The following GRM8 variants were observed in gnomAD, a reference collection of about 807,000 sequenced individuals.
The protein encoded by GRM8 is glutamate metabotropic receptor 8.
A neutral mutation model predicts 87.2 loss-of-function variants in GRM8; 47 were observed. The observed-to-expected ratio is 0.54, with a 90% CI of 0.43 to 0.69. The LOEUF (loss-of-function observed/expected upper bound fraction) is 0.69, where lower values mean the gene tolerates loss of function less well. Among genes scored for constraint, GRM8 ranks in the 30% least tolerant of loss-of-function variants. The pLI is 0.00. For synonymous variants in GRM8, 396 were observed against 404.5 expected (o/e 0.98, Z 0.25); for missense variants, 1,019 against 1,139.2 (o/e 0.89, Z 1.52).
intron 2 of GRM8, among the ~76,000 whole-genome samples, chr7:127,117,627 T>C (rs1826777457): frequency 6.6e-6 from 1 of 152,202 alleles, no homozygotes; most frequent in African/African-American, 2.4e-5. Context: ...TTACATTGTG[T>C]TATAATAGAA....
chr7:126,917,306 A>T (rs1804010228), intron 3 of GRM8, among the ~76,000 whole-genome samples: 1 of 152,044 alleles, frequency 6.6e-6, no homozygotes, highest in Non-Finnish European at 1.5e-5. Flanking sequence ...GTCAAAATAC[A>T]TTTTGGACTA....
At chr7:126,749,018 A>G (rs1816065045) in intron 7 of GRM8, among the ~76,000 whole-genome samples, 1 of 152,204 alleles carries the variant, frequency 6.6e-6, no homozygotes, top group African/African-American at 2.4e-5. Context: ...TCACACCTGT[A>G]ATCCCAGTAC....
intron 6 of GRM8, among the ~76,000 whole-genome samples, chr7:126,788,159 C>T (rs1257157614): frequency 6.6e-6 from 1 of 151,810 alleles, no homozygotes; most frequent in Non-Finnish European, 1.5e-5. Context: ...CTTGTAATCC[C>T]AGCACTTTGG....
chr7:127,206,719 C>T (rs905225023), intron 2 of GRM8, among the ~76,000 whole-genome samples: 1 of 152,194 alleles, frequency 6.6e-6, no homozygotes, highest in Non-Finnish European at 1.5e-5. Flanking sequence ...AAGCAAGCAC[C>T]TCCAGTGTTC....
chr7:126,550,820 C>T (rs532639352), intron 8 of GRM8, among the ~76,000 whole-genome samples: 1 of 151,436 alleles, frequency 6.6e-6, no homozygotes, highest in Non-Finnish European at 1.5e-5. Context: ...TAATAAAAGA[C>T]TTAGAAACAG....
chr7:127,011,901 T>C, intron 3 of GRM8, among the ~76,000 whole-genome samples: 1 of 152,168 alleles, frequency 6.6e-6, no homozygotes, highest in East Asian at 1.9e-4. Flanking sequence ...TTTGAATTAC[T>C]TTGTACCTTC....
chr7:126,871,961 G>A (rs900102949), intron 6 of GRM8, among the ~76,000 whole-genome samples: 7 of 152,092 alleles, frequency 4.6e-5, no homozygotes, highest in African/African-American at 9.7e-5. Context: ...GATGTCTTAC[G>A]TTTGCCGGTT....
At chr7:126,873,218 T>C (rs1020032540) in intron 6 of GRM8, among the ~76,000 whole-genome samples, 5 of 152,160 alleles carry the variant, frequency 3.3e-5, no homozygotes, top group African/African-American at 7.2e-5. Flanking sequence ...TCTGATGAAA[T>C]TGACAGGTCA....
At chr7:126,668,589 G>A (rs1449435339) in intron 7 of GRM8, among the ~76,000 whole-genome samples, 2 of 152,234 alleles carry the variant, frequency 1.3e-5, no homozygotes, top group African/African-American at 4.8e-5. Context: ...TGGCTGGTTC[G>A]CAGCCAGGCA....
chr7:127,139,511 G>A (rs1347930831), intron 2 of GRM8, among the ~76,000 whole-genome samples: 1 of 152,016 alleles, frequency 6.6e-6, no homozygotes, highest in East Asian at 1.9e-4. Context: ...AAAAGTAACT[G>A]GCATATATTC....
chr7:126,589,163 G>A (rs1796438997), intron 8 of GRM8, among the ~76,000 whole-genome samples: 1 of 152,172 alleles, frequency 6.6e-6, no homozygotes, highest in African/African-American at 2.4e-5. Flanking sequence ...GACACAGGCA[G>A]GCAAGGAGGT....
chr7:126,632,656 G>C (rs1186051227), intron 7 of GRM8, among the ~76,000 whole-genome samples: 3 of 152,110 alleles, frequency 2.0e-5, no homozygotes, highest in African/African-American at 7.2e-5. Context: ...TAAGAGACTG[G>C]ATAAAGAAAA....
intron 7 of GRM8, among the ~76,000 whole-genome samples, chr7:126,644,092 C>T (rs896542920): frequency 6.6e-6 from 1 of 152,190 alleles, no homozygotes; most frequent in Non-Finnish European, 1.5e-5. Flanking sequence ...GATGGTGAAT[C>T]TTACATTAGA....
chr7:126,847,991 C>G (rs1796862275), intron 6 of GRM8, among the ~76,000 whole-genome samples: 1 of 152,220 alleles, frequency 6.6e-6, no homozygotes, highest in East Asian at 1.9e-4. Flanking sequence ...GAGGAGATTA[C>G]AAATGGAGAG....
chr7:126,615,642 G>C (rs1174257153), intron 7 of GRM8, among the ~76,000 whole-genome samples: 1 of 152,118 alleles, frequency 6.6e-6, no homozygotes, highest in Non-Finnish European at 1.5e-5. Flanking sequence ...CTCACGTGCA[G>C]AGACACACAT....
chr7:126,773,796 G>C (rs557232217), intron 6 of GRM8, among the ~76,000 whole-genome samples: 1 of 152,154 alleles, frequency 6.6e-6, no homozygotes, highest in Admixed American at 6.6e-5. Context: ...AGGAGTTCAA[G>C]ACCAGCCTGG....
intron 8 of GRM8, among the ~76,000 whole-genome samples, chr7:126,548,204 T>A (rs1253964292): frequency 6.6e-6 from 1 of 151,900 alleles, no homozygotes; most frequent in Non-Finnish European, 1.5e-5. Flanking sequence ...TTAGGAGAAA[T>A]GCCTAATGTA....
chr7:127,055,257 A>G (rs960149082), intron 3 of GRM8, among the ~76,000 whole-genome samples: 1 of 152,194 alleles, frequency 6.6e-6, no homozygotes, highest in African/African-American at 2.4e-5. Flanking sequence ...AGGACATGGC[A>G]TCTATCTTTA....
At chr7:126,471,060 G>T (rs1348454422) in intron 9 of GRM8, among the ~76,000 whole-genome samples, 1 of 152,132 alleles carries the variant, frequency 6.6e-6, no homozygotes, top group Non-Finnish European at 1.5e-5. Context: ...TTGTAAATTT[G>T]TTTGAGTTCA....
Sources: allele counts gnomAD v4.1 joint callset (sites outside exome capture counted in the v4.1 genomes callset), GRCh38; gene constraint gnomAD v4.1.1; transcripts MANE v1.5; gene names NCBI Gene and HGNC (gene_info 2026-07-23, HGNC 2026-07-21).